Variants in SEPTIN2 observed in about 807,000 individuals in gnomAD.
The protein encoded by SEPTIN2 is septin-2.
SEPTIN2 carries 34 observed loss-of-function variants against 46.5 expected under a neutral mutation model. The observed-to-expected ratio is 0.73, with a 90% confidence interval of 0.56 to 0.97. SEPTIN2 has a LOEUF of 0.97. SEPTIN2 is among the 50% of genes least tolerant of loss of function. The probability of loss-of-function intolerance (pLI) is 0.00; values close to 1 mark genes in which losing one functional copy is unlikely to be tolerated. For synonymous variants in SEPTIN2, 175 were observed against 153.4 expected (o/e 1.14, Z -1.04); for missense variants, 347 against 448.4 (o/e 0.77, Z 2.04).
chr2:241,323,274 G>C (rs1400104202), intron 1 of SEPTIN2, among the ~76,000 whole-genome samples: 3 of 151,844 alleles, frequency 2.0e-5, no homozygotes, highest in Admixed American at 1.3e-4. Flanking sequence ...AGGTTCAAGC[G>C]ATTCTCCTGT....
intron 9 of SEPTIN2, 97 bp downstream of exon 9, chr2:241,343,994 G>A: frequency 7.1e-7 from 1 of 1,410,206 alleles, no homozygotes; most frequent in Non-Finnish European, 9.9e-7. Context: ...GTTGCAGCCA[G>A]CAGCTTCATT....
At chr2:241,351,903 A>T (rs1300317958) in intron 12 of SEPTIN2, 64 bp from the exon 13 acceptor site, 1 of 152,476 alleles carries the variant, frequency 6.6e-6, no homozygotes, top group Non-Finnish European at 1.5e-5. Flanking sequence ...TAGAACTGTT[A>T]ATAATTAACG....
intron 1 of SEPTIN2, chr2:241,320,345 G>C: frequency 2.1e-6 from 1 of 470,392 alleles, no homozygotes; most frequent in South Asian, 1.6e-5. Flanking sequence ...TCCAGTTTTT[G>C]GTTCTGTATT....
At chr2:241,348,590 ATTAAC>A (rs1353523794) in intron 11 of SEPTIN2, among the ~76,000 whole-genome samples, 3 of 152,166 alleles carry the variant, frequency 2.0e-5, no homozygotes, top group Non-Finnish European at 4.4e-5. Flanking sequence ...ATCATTGGTA[ATTAAC>A]TTAAAGTTTA....
At chr2:241,320,271 C>T (rs1023576257) in intron 1 of SEPTIN2, 2 of 470,962 alleles carry the variant, frequency 4.2e-6, no homozygotes, top group African/African-American at 2.0e-5. Context: ...AACGTCAAGT[C>T]TTGGTCCTTT....
intron 9 of SEPTIN2, among the ~76,000 whole-genome samples, chr2:241,344,351 CATTT>C (rs1189752937): frequency 6.6e-6 from 1 of 152,106 alleles, no homozygotes; most frequent in East Asian, 1.9e-4. Context: ...TTGTGTCTTC[CATTT>C]ATTATTAATA....
intron 3 of SEPTIN2, among the ~76,000 whole-genome samples, chr2:241,328,065 AAGT>A (rs772432965): frequency 7.9e-5 from 12 of 152,146 alleles, no homozygotes; most frequent in Non-Finnish European, 1.0e-4. Context: ...GAAAAGAAAA[AAGT>A]AGCCAGAACA....
intron 1 of SEPTIN2, among the ~76,000 whole-genome samples, chr2:241,321,211 G>A (rs1381493152): frequency 6.6e-6 from 1 of 151,920 alleles, no homozygotes; most frequent in East Asian, 1.9e-4. Flanking sequence ...TGCACATACT[G>A]TGTTTACTGA....
intron 10 of SEPTIN2, chr2:241,346,726 C>T (rs1559666686): frequency 1.3e-5 from 2 of 152,352 alleles, no homozygotes; most frequent in African/African-American, 4.8e-5. Flanking sequence ...GCACTTTATC[C>T]TGGGCAATAA....
intron 12 of SEPTIN2, 94 bp from the exon 13 acceptor site, chr2:241,351,873 A>C (rs1401769086): frequency 6.6e-6 from 1 of 152,282 alleles, no homozygotes; most frequent in Non-Finnish European, 1.5e-5. Flanking sequence ...TCAGTTTATG[A>C]CCTTTGTTAA....
At chr2:241,342,915 T>G in intron 7 of SEPTIN2, 77 bp from the exon 8 acceptor site, 1 of 714,404 alleles carries the variant, frequency 1.4e-6, no homozygotes, top group Admixed American at 2.4e-5. Context: ...AATATATTTC[T>G]TACAAGATGA....
chr2:241,335,044 A>G (rs994469862), intron 3 of SEPTIN2, 82 bp from the exon 4 acceptor site: 21 of 895,954 alleles, frequency 2.3e-5, no homozygotes, highest in Non-Finnish European at 3.5e-5. Flanking sequence ...TTAGCCCAGT[A>G]CCAGGCCTTA....
At chr2:241,351,843 A>G (rs1030280261) in intron 12 of SEPTIN2, 124 bp from the exon 13 acceptor site, 2 of 152,196 alleles carry the variant, frequency 1.3e-5, no homozygotes, top group Admixed American at 6.5e-5. Context: ...CTTTGTGGTC[A>G]TGTAAGCCCT....
At chr2:241,324,644 C>G (rs1255355786) in intron 2 of SEPTIN2, 1 of 289,082 alleles carries the variant, frequency 3.5e-6, no homozygotes, top group Admixed American at 5.1e-5. Flanking sequence ...TTTGGCCCCC[C>G]GAAGTGTTGG....
At chr2:241,342,272 G>A (rs1559653174) in intron 7 of SEPTIN2, among the ~76,000 whole-genome samples, 1 of 150,650 alleles carries the variant, frequency 6.6e-6, no homozygotes, top group Non-Finnish European at 1.5e-5. Context: ...TTCCATCTGG[G>A]GTACTTCTCC....
chr2:241,324,317 T>C, intron 2 of SEPTIN2, 76 bp downstream of exon 2: 1 of 1,152,974 alleles, frequency 8.7e-7, no homozygotes, highest in South Asian at 1.3e-5. Context: ...AGTCGGGACT[T>C]ATATGATTCA....
intron 1 of SEPTIN2, chr2:241,316,405 G>C: frequency 1.0e-6 from 1 of 993,904 alleles, no homozygotes; most frequent in Non-Finnish European, 1.4e-6. Context: ...TTCTAACGGT[G>C]CCATTTCCTC....
At chr2:241,330,286 C>G (rs925405065) in intron 3 of SEPTIN2, among the ~76,000 whole-genome samples, 19 of 152,192 alleles carry the variant, frequency 1.2e-4, no homozygotes, top group African/African-American at 4.1e-4. Context: ...ACACAATACT[C>G]AGAACCTTCA....
At chr2:241,328,581 A>C (rs1485422754) in intron 3 of SEPTIN2, among the ~76,000 whole-genome samples, 2 of 151,762 alleles carry the variant, frequency 1.3e-5, no homozygotes, top group Non-Finnish European at 2.9e-5. Context: ...TACTAAAAAA[A>C]AAAATACTAA....
Sources: allele counts gnomAD v4.1 joint callset (sites outside exome capture counted in the v4.1 genomes callset), GRCh38; gene constraint gnomAD v4.1.1; transcripts MANE v1.5; gene names NCBI Gene and HGNC (gene_info 2026-07-23, HGNC 2026-07-21).